Variants in KAZN observed in about 807,000 individuals in gnomAD.
KAZN encodes the protein kazrin.
KAZN carries 40 observed loss-of-function variants against 87.4 expected under a neutral mutation model. The observed-to-expected ratio is 0.46, with a 90% confidence interval of 0.36 to 0.60. KAZN has a LOEUF of 0.60. Ranked by LOEUF, KAZN falls within the 20% of genes least tolerant of loss-of-function variation. The pLI is 0.00. For synonymous variants in KAZN, 466 were observed against 458.3 expected (o/e 1.02, Z -0.22); for missense variants, 898 against 1,073.9 (o/e 0.84, Z 2.29).
At chr1:14,804,465 G>T (rs1646140818) in intron 1 of KAZN, among the ~76,000 whole-genome samples, 2 of 152,244 alleles carry the variant, frequency 1.3e-5, no homozygotes, top group South Asian at 2.1e-4. Context: ...GGCTAACTCG[G>T]GCCCAGTGGG....
At chr1:14,538,725 T>G (rs1013439286) in intron 2 of KAZN, among the ~76,000 whole-genome samples, 1 of 152,220 alleles carries the variant, frequency 6.6e-6, no homozygotes, top group African/African-American at 2.4e-5. Flanking sequence ...AATGATTTTA[T>G]AAGGCTACAG....
chr1:14,095,040 G>GT lies in KAZN; in HGVS notation c.92-85394dup, dbSNP rs202219347. 2.9e-3 allele frequency among the ~76,000 whole-genome samples: 434 copies of GT among 152,242 alleles called. 3 individuals are homozygous for GT. Among genetic ancestry groups the GT allele is most frequent in the African/African-American group, 9.9e-3 (410 of 41,500 alleles). ...GAGACCAAATAGTGTTTCCCAACAG[G>GT]TATCTAAGAATGTAGGGCAGGACAA... On this transcript the variant is annotated intron_variant, in intron 1 of 16. Transcript: ENST00000636203.
chr1:15,060,280 A>C lies in KAZN; in HGVS notation c.1025A>C (p.His342Pro). The C allele has an allele frequency of 6.2e-7, 1 of 1,614,024 alleles. No individual in the cohort carries two copies. The highest frequency in any genetic ancestry group is 1.1e-5 in the South Asian group (1 of 91,082). The change falls in exon 6 of 15, where the codon CAC becomes CCC. Residue 342 changes from histidine to proline, a missense_variant. By Grantham distance (77) the His-to-Pro change is moderately conservative. This residue lies in a region of KAZN where 521 missense variants were observed against 689.4 expected (regional missense o/e 0.76). Transcript: ENST00000376030. The part of the protein sequence containing the change: ...STPSDINSPR[H>P]RTHSLCNGDS... The stretch of plus-strand genomic sequence containing the variant: ...CCGAGCGACATCAACTCCCCTCGAC[A>C]CCGGACACACTCCCTCTGCAACGTA...
chr1:13,928,166 T>A (rs899295060), intron 1 of KAZN, among the ~76,000 whole-genome samples: 1 of 152,230 alleles, frequency 6.6e-6, no homozygotes, highest in African/African-American at 2.4e-5. Context: ...TCCTGTAAAC[T>A]AATAGCCTGT....
intron 2 of KAZN, among the ~76,000 whole-genome samples, chr1:14,255,918 C>T (rs1009718565): frequency 6.6e-6 from 1 of 152,110 alleles, no homozygotes; most frequent in African/African-American, 2.4e-5. Context: ...GTGAGTCATC[C>T]CTGGTAACCC....
chr1:14,047,308 A>G (rs990260199), intron 1 of KAZN, among the ~76,000 whole-genome samples: 5 of 152,118 alleles, frequency 3.3e-5, no homozygotes. Flanking sequence ...ACAACCACTA[A>G]TCTCAGCCAT....
intron 1 of KAZN, among the ~76,000 whole-genome samples, chr1:14,895,887 G>A (rs976602884): frequency 6.6e-5 from 10 of 152,174 alleles, no homozygotes; most frequent in Non-Finnish European, 1.5e-4. Flanking sequence ...GTGAGGAAGA[G>A]GGGAGGCTGC....
At chr1:14,224,877 T>C (rs1222527695) in intron 2 of KAZN, among the ~76,000 whole-genome samples, 4 of 152,162 alleles carry the variant, frequency 2.6e-5, no homozygotes, top group African/African-American at 9.7e-5. Context: ...CTTAAACATT[T>C]AATTTCAAAG....
intron 1 of KAZN, among the ~76,000 whole-genome samples, chr1:13,944,606 G>GCATTTAA (rs1641065016): frequency 6.6e-6 from 1 of 152,184 alleles, no homozygotes; most frequent in African/African-American, 2.4e-5. Flanking sequence ...AAAGTAAATG[G>GCATTTAA]AGGTAGTGTT....
chr1:14,819,747 A>G (rs1054503848), intron 1 of KAZN, among the ~76,000 whole-genome samples: 6 of 134,118 alleles, frequency 4.5e-5, no homozygotes, highest in African/African-American at 8.8e-5. Context: ...TCACTCTGTC[A>G]CCCAGGCTGG....
chr1:14,764,593 G>A (rs1344530257), intron 1 of KAZN, among the ~76,000 whole-genome samples: 1 of 152,054 alleles, frequency 6.6e-6, no homozygotes, highest in South Asian at 2.1e-4. Flanking sequence ...AATGCCTGGA[G>A]CTCATACCAG....
chr1:14,844,961 A>ATGGATGGATGGG (rs1245816972), intron 1 of KAZN, among the ~76,000 whole-genome samples: 1 of 151,860 alleles, frequency 6.6e-6, no homozygotes, highest in Non-Finnish European at 1.5e-5. Context: ...TGGTTAATGG[A>ATGGATGGATGGG]TGGATGGATG....
chr1:14,786,735 A>G (rs76065174), intron 1 of KAZN, among the ~76,000 whole-genome samples: 1,722 of 152,272 alleles, frequency 0.011, 35 homozygotes, highest in African/African-American at 0.039. Flanking sequence ...CAATTTGCAC[A>G]CCCTGTAATT....
rs998995383 is a variant in KAZN, at chr1:14,599,468, G to T, written c.226+245G>T. ...CGGTCACACCGGCCCCGGCCAGCCT[G>T]AGCGAGGCGCAGCCGGCGGGTCCCT... On this transcript the variant is annotated intron_variant, in intron 1 of 14. Transcript: ENST00000376030. This position sits in a 1 kb window ranked among gnomAD's most constrained non-coding sequence, Gnocchi z 4.4. 1.3e-5 allele frequency among the ~76,000 whole-genome samples: 2 copies of T among 152,224 alleles called. No individual in the cohort carries two copies. Among genetic ancestry groups the T allele is most frequent in the African/African-American group, 2.4e-5 (1 of 41,470 alleles).
intron 2 of KAZN, among the ~76,000 whole-genome samples, chr1:14,585,908 C>A (rs1675823855): frequency 6.6e-6 from 1 of 152,162 alleles, no homozygotes; most frequent in Admixed American, 6.5e-5. Context: ...GTCAGCTGAA[C>A]CCCAACACCT....
At chr1:14,722,104 AC>A (rs1343985448) in intron 1 of KAZN, among the ~76,000 whole-genome samples, 1 of 151,990 alleles carries the variant, frequency 6.6e-6, no homozygotes, top group African/African-American at 2.4e-5. Context: ...GTGAGCTGAG[AC>A]TGCACCACTG....
chr1:15,054,900 A>G (rs1387989567), intron 4 of KAZN, among the ~76,000 whole-genome samples: 2 of 152,190 alleles, frequency 1.3e-5, no homozygotes, highest in Non-Finnish European at 2.9e-5. Context: ...CCTGTCCTAC[A>G]TGTTCTTGGC....
At chr1:14,704,340 C>T (rs886541486) in intron 1 of KAZN, among the ~76,000 whole-genome samples, 1 of 152,224 alleles carries the variant, frequency 6.6e-6, no homozygotes, top group Non-Finnish European at 1.5e-5. Flanking sequence ...ACCATGAGGT[C>T]AAATATAACA....
At chr1:13,966,361 G>C (rs1175535769) in intron 1 of KAZN, among the ~76,000 whole-genome samples, 2 of 152,166 alleles carry the variant, frequency 1.3e-5, no homozygotes. Flanking sequence ...CTCTTTGCTT[G>C]AACTTCTTCT....
Sources: gnomAD v4.1 joint callset for allele counts (sites outside exome capture counted in the v4.1 genomes callset) on GRCh38, gnomAD v4.1.1 for gene constraint, gnomAD v4.1.1 regional missense constraint, Gnocchi (gnomAD v3.1) non-coding constraint, MANE v1.5 for transcripts, NCBI Gene and HGNC (gene_info 2026-07-23, HGNC 2026-07-21) for gene names.